The following MSRA variants were observed in gnomAD, a reference collection of about 807,000 sequenced individuals.
MSRA encodes mitochondrial peptide methionine sulfoxide reductase.
Under a neutral mutation model 31.3 loss-of-function variants are expected in MSRA, and 54 were observed. The observed-to-expected ratio is 1.73, with a 90% CI of 1.39 to 2.17. MSRA has a LOEUF of 2.17. Ranked by LOEUF, MSRA falls within the 30% of genes most tolerant of loss-of-function variation. The pLI is 0.00. For synonymous variants in MSRA, 169 were observed against 116.5 expected, an observed-to-expected ratio of 1.45 and a Z score of -2.90; for missense variants, 507 against 300.9, an observed-to-expected ratio of 1.69 and a Z score of -5.07.
intron 1 of MSRA, among the ~76,000 whole-genome samples, chr8:10,104,944 A>T (rs1799781918): frequency 6.6e-6 from 1 of 152,200 alleles, no homozygotes; most frequent in Non-Finnish European, 1.5e-5. Context: ...CTTCACCAAC[A>T]GTTGGTAGTA....
intron 3 of MSRA, chr8:10,250,714 T>G (rs549258220): frequency 1.9e-6 from 1 of 516,910 alleles, no homozygotes; most frequent in African/African-American, 1.9e-5. Context: ...GAACTGACTG[T>G]ATGGTCTGCA....
At chr8:10,128,839 A>G (rs1403951710) in intron 1 of MSRA, among the ~76,000 whole-genome samples, 1 of 152,238 alleles carries the variant, frequency 6.6e-6, no homozygotes, top group African/African-American at 2.4e-5. Flanking sequence ...TTACGTTGCA[A>G]TGGACATAGT....
intron 1 of MSRA, among the ~76,000 whole-genome samples, chr8:10,141,253 T>G (rs1802680981): frequency 1.3e-5 from 2 of 152,176 alleles, no homozygotes; most frequent in African/African-American, 4.8e-5. Context: ...CCCTCACGCC[T>G]TATAATCCTC....
At chr8:10,207,499 T>G (rs1809101472) in intron 1 of MSRA, among the ~76,000 whole-genome samples, 1 of 152,224 alleles carries the variant, frequency 6.6e-6, no homozygotes, top group Admixed American at 6.5e-5. Flanking sequence ...GGAGCTTTGC[T>G]TGTTTTTTAG....
chr8:10,086,349 G>A (rs888146106), intron 1 of MSRA, among the ~76,000 whole-genome samples: 14 of 152,206 alleles, frequency 9.2e-5, no homozygotes, highest in African/African-American at 3.4e-4. Context: ...AAAAAGTCAA[G>A]AATTCTGGTT....
intron 1 of MSRA, among the ~76,000 whole-genome samples, chr8:10,122,247 C>T (rs1391456956): frequency 6.6e-6 from 1 of 152,050 alleles, no homozygotes; most frequent in Non-Finnish European, 1.5e-5. Flanking sequence ...GTTCCTGAAA[C>T]CTGTGGAGGA....
At chr8:10,318,013 T>A (rs1389712257) in intron 4 of MSRA, among the ~76,000 whole-genome samples, 1 of 152,178 alleles carries the variant, frequency 6.6e-6, no homozygotes. Context: ...TTCACAGTCC[T>A]CAGAACGTTC....
chr8:10,383,452 A>G (rs996973517), intron 5 of MSRA, among the ~76,000 whole-genome samples: 3 of 152,194 alleles, frequency 2.0e-5, no homozygotes, highest in Non-Finnish European at 2.9e-5. Context: ...TCTGAGCTCT[A>G]GTGAAGTAGT....
At chr8:10,296,947 CT>C (rs2129122125) in intron 3 of MSRA, among the ~76,000 whole-genome samples, 1 of 152,340 alleles carries the variant, frequency 6.6e-6, no homozygotes, top group Non-Finnish European at 1.5e-5. Context: ...GGCCAGTTCC[CT>C]GCTCTCTTGT....
intron 4 of MSRA, among the ~76,000 whole-genome samples, chr8:10,316,573 T>TCTCTCC (rs1801738437): frequency 7.1e-6 from 1 of 140,094 alleles, no homozygotes; most frequent in African/African-American, 2.6e-5. Flanking sequence ...TCTCTCTCTC[T>TCTCTCC]CCTTCCTCCT....
At chr8:10,252,202 T>G (rs146752635) in intron 3 of MSRA, among the ~76,000 whole-genome samples, 46 of 152,326 alleles carry the variant, frequency 3.0e-4, no homozygotes, top group African/African-American at 1.0e-3. Context: ...TGAGAGATTT[T>G]ATTAGAAGGG....
At chr8:10,330,969 G>A (rs1375131951) in intron 5 of MSRA, among the ~76,000 whole-genome samples, 1 of 152,172 alleles carries the variant, frequency 6.6e-6, no homozygotes. Context: ...TCCTGAGCTG[G>A]AGCTCCCGTG....
At chr8:10,327,610 G>T (rs71516568) in intron 5 of MSRA, among the ~76,000 whole-genome samples, 49,401 of 151,924 alleles carry the variant, frequency 0.33, 8,843 homozygotes, top group Non-Finnish European at 0.42. Context: ...TTGCGGGGAG[G>T]CGGGGAGGAA....
chr8:10,315,093 T>C (rs2129134410), intron 4 of MSRA, among the ~76,000 whole-genome samples: 1 of 152,242 alleles, frequency 6.6e-6, no homozygotes, highest in East Asian at 1.9e-4. Flanking sequence ...CTGACCTTTA[T>C]AAAACCATCA....
chr8:10,079,834 G>C (rs1182697866), intron 1 of MSRA, among the ~76,000 whole-genome samples: 1 of 152,154 alleles, frequency 6.6e-6, no homozygotes. Flanking sequence ...CTCGGTTTTG[G>C]CTTGCTATTA....
chr8:10,060,090 C>A (rs1433769912), intron 1 of MSRA, among the ~76,000 whole-genome samples: 3 of 150,368 alleles, frequency 2.0e-5, no homozygotes. Context: ...ACCTTTTGAC[C>A]CAGGAATTCA....
rs1022368547 is a variant in MSRA at position 10,283,220 on chromosome 8, C to T, written c.332-18314C>T. Among the ~76,000 whole-genome samples, 5 of 147,388 alleles carry T rather than the reference C, an allele frequency of 3.4e-5. No homozygotes were observed. In the East Asian group the frequency reaches 7.8e-4, roughly 23 times the overall value. On this transcript the variant is annotated intron_variant, in intron 3 of 5. Transcript: ENST00000317173. ...TGCAGAAGTTACCATTCCAATACAC[C>T]ATGCAAGATGCATTCAGACGTTCTC...
chr8:10,079,522 G>T (rs1020917244), intron 1 of MSRA, among the ~76,000 whole-genome samples: 6 of 152,148 alleles, frequency 3.9e-5, no homozygotes, highest in Non-Finnish European at 8.8e-5. Context: ...TTTCTCACTA[G>T]CAGCCATGAC....
intron 1 of MSRA, among the ~76,000 whole-genome samples, chr8:10,070,577 T>C (rs1797681505): frequency 6.6e-6 from 1 of 152,216 alleles, no homozygotes; most frequent in Admixed American, 6.5e-5. Flanking sequence ...ATATTGACAA[T>C]GACAGAGTCA....
Sources: gnomAD v4.1 joint callset for allele counts (sites outside exome capture counted in the v4.1 genomes callset) on GRCh38, gnomAD v4.1.1 for gene constraint, MANE v1.5 for transcripts, NCBI Gene and HGNC (gene_info 2026-07-23, HGNC 2026-07-21) for gene names.